Variants in TCERG1L observed in about 807,000 individuals in gnomAD.
TCERG1L encodes transcription elongation regulator 1-like protein.
Under a neutral mutation model 56.3 loss-of-function variants are expected in TCERG1L, and 37 were observed. The observed-to-expected ratio is 0.66, with a 90% CI of 0.51 to 0.87. The LOEUF (loss-of-function observed/expected upper bound fraction) is 0.87, where lower values mean the gene tolerates loss of function less well. Ranked by LOEUF, TCERG1L falls within the 40% of genes least tolerant of loss-of-function variation. The probability of loss-of-function intolerance (pLI) is 0.00; values close to 1 mark genes in which losing one functional copy is unlikely to be tolerated. For synonymous variants in TCERG1L, 324 were observed against 326.3 expected (o/e 0.99, Z 0.08); for missense variants, 799 against 774.2 (o/e 1.03, Z -0.38).
At chr10:131,116,254 T>C (rs544011167) in intron 9 of TCERG1L, among the ~76,000 whole-genome samples, 3 of 152,276 alleles carry the variant, frequency 2.0e-5, no homozygotes, top group South Asian at 4.1e-4. Context: ...TAATTTTATT[T>C]AAAAAACAGT....
At chr10:131,129,824 C>G (rs543485399) in intron 8 of TCERG1L, among the ~76,000 whole-genome samples, 1 of 152,218 alleles carries the variant, frequency 6.6e-6, no homozygotes, top group African/African-American at 2.4e-5. Flanking sequence ...GCGCATGGAT[C>G]GGGAGGCCTC....
chr10:131,203,324 A>AAAAAAAAAAAAAAAAAAAC (rs1845466632), intron 4 of TCERG1L, among the ~76,000 whole-genome samples: 1 of 151,850 alleles, frequency 6.6e-6, no homozygotes, highest in Non-Finnish European at 1.5e-5. Flanking sequence ...CAAAAAAAAA[A>AAAAAAAAAAAAAAAAAAAC]AGACTTCCAG....
intron 4 of TCERG1L, among the ~76,000 whole-genome samples, chr10:131,224,742 G>A (rs1354759234): frequency 5.4e-5 from 8 of 147,680 alleles, no homozygotes; most frequent in African/African-American, 1.5e-4. Context: ...GTGGCCCCTC[G>A]TCCCCCAAAC....
chr10:131,294,668 T>C (rs1466760304), intron 3 of TCERG1L, among the ~76,000 whole-genome samples: 1 of 152,176 alleles, frequency 6.6e-6, no homozygotes, highest in African/African-American at 2.4e-5. Flanking sequence ...TATGAGTTCT[T>C]TTGAAAAACA....
At chr10:131,132,989 A>C (rs10829913) in intron 8 of TCERG1L, among the ~76,000 whole-genome samples, 41,233 of 150,978 alleles carry the variant, frequency 0.27, 6,612 homozygotes, top group Non-Finnish European at 0.36. Flanking sequence ...CTCCTACCTG[A>C]TCACCTCGCT....
chr10:131,176,152 C>T (rs1464418717), intron 4 of TCERG1L, among the ~76,000 whole-genome samples: 2 of 152,180 alleles, frequency 1.3e-5, no homozygotes, highest in Non-Finnish European at 2.9e-5. Flanking sequence ...CAGCTGGGCT[C>T]AAGACTGCTG....
chr10:131,134,218 A>T (rs1845650474), intron 8 of TCERG1L, among the ~76,000 whole-genome samples, 161 bp downstream of exon 8: 1 of 152,144 alleles, frequency 6.6e-6, no homozygotes, highest in Non-Finnish European at 1.5e-5. Flanking sequence ...GCAGGTGCCC[A>T]GGACACTGCT....
At chr10:131,211,163 C>T (rs549243011) in intron 4 of TCERG1L, among the ~76,000 whole-genome samples, 3 of 152,180 alleles carry the variant, frequency 2.0e-5, no homozygotes. Context: ...ACGGTCAGGG[C>T]CGTATGGCTC....
chr10:131,276,631 AT>A (rs1846396427), intron 3 of TCERG1L, among the ~76,000 whole-genome samples: 1 of 152,210 alleles, frequency 6.6e-6, no homozygotes, highest in Non-Finnish European at 1.5e-5. Context: ...ATTTTCAGGG[AT>A]TCTCCTGCTT....
intron 4 of TCERG1L, among the ~76,000 whole-genome samples, chr10:131,218,514 A>G (rs1047180908): frequency 1.4e-5 from 2 of 143,998 alleles, no homozygotes; most frequent in Admixed American, 1.4e-4. Flanking sequence ...TTTATTTGAG[A>G]CAGAGTTTCG....
chr10:131,098,399 C>G lies in TCERG1L; in HGVS notation c.1511G>C (p.Arg504Thr), dbSNP rs1445001886. 1 of 1,548,944 alleles carries G rather than the reference C, an allele frequency of 6.5e-7. No homozygotes were observed. The highest frequency in any genetic ancestry group is 8.7e-7 in the Non-Finnish European group (1 of 1,146,634). Residue 504 changes from arginine (R) to threonine (T), a missense_variant, in exon 11 of 12, where the codon AGA becomes ACA. Arg to Thr is a moderately conservative substitution (Grantham distance 71, BLOSUM62 -1). Transcript: ENST00000368642. ...KQIFEQFVKT[R>T]IKEEYKEKKS... ...CTTTTCCTTGTATTCTTCTTTTATT[C>G]TTGTCTTGACAAACTGTTCAAATAT...
intron 4 of TCERG1L, among the ~76,000 whole-genome samples, chr10:131,216,901 A>T (rs2133494018): frequency 6.6e-6 from 1 of 152,202 alleles, no homozygotes; most frequent in Non-Finnish European, 1.5e-5. Context: ...GTGGTTCCCA[A>T]ATCCCACTGA....
At chr10:131,280,509 CA>C (rs904675586) in intron 3 of TCERG1L, among the ~76,000 whole-genome samples, 7 of 151,866 alleles carry the variant, frequency 4.6e-5, no homozygotes, top group Admixed American at 3.3e-4. Context: ...TGAGCCTCTC[CA>C]AAGGAGGCAT....
At chr10:131,236,621 C>A (rs955594202) in intron 4 of TCERG1L, among the ~76,000 whole-genome samples, 3 of 152,212 alleles carry the variant, frequency 2.0e-5, no homozygotes, top group African/African-American at 7.2e-5. Flanking sequence ...TGACAGCCAT[C>A]CCCACTGGGT....
At chr10:131,242,181 T>C (rs921619938) in intron 4 of TCERG1L, among the ~76,000 whole-genome samples, 4 of 152,040 alleles carry the variant, frequency 2.6e-5, no homozygotes, top group Admixed American at 6.6e-5. Context: ...TCGGGGAACG[T>C]GGCTCCCAGC....
intron 4 of TCERG1L, among the ~76,000 whole-genome samples, chr10:131,172,381 C>T (rs1430273096): frequency 9.2e-5 from 14 of 152,184 alleles, no homozygotes; most frequent in South Asian, 4.1e-4. Flanking sequence ...TTCTGAAAGC[C>T]GAGAGCAACC....
intron 3 of TCERG1L, among the ~76,000 whole-genome samples, chr10:131,292,121 G>C (rs1447743576): frequency 3.3e-5 from 5 of 152,182 alleles, no homozygotes; most frequent in African/African-American, 7.2e-5. Context: ...GCATTGGCTA[G>C]AACTTCCTGA....
intron 11 of TCERG1L, 48 bp downstream of exon 11, chr10:131,098,258 G>T (rs1318751595): frequency 1.3e-6 from 2 of 1,531,614 alleles, no homozygotes; most frequent in South Asian, 2.5e-5. Flanking sequence ...CTTGTCATTG[G>T]TAAGTTCCCA....
rs1047338841 is a variant in TCERG1L at position 131,092,979 on chromosome 10, G to A, written c.*183C>T. On this transcript the variant is annotated 3_prime_UTR_variant, in exon 12 of 12. Transcript: ENST00000368642. ...ATTAGAAATGCATCAAACTCTGAAT[G>A]TACAAAAGAGAGAGCTTCAATATGA... The A allele has an allele frequency of 5.2e-6, 3 of 573,098 alleles. No homozygotes were observed. The highest frequency in any genetic ancestry group is 2.5e-5 in the South Asian group (1 of 39,938). 35.5% of individuals were successfully genotyped at this position (573,098 alleles called of 1,614,324 possible). A position where few individuals can be genotyped will look rare whatever the true frequency, so the allele number is the denominator to read the frequency against.
Sources: gnomAD v4.1 joint callset for allele counts (sites outside exome capture counted in the v4.1 genomes callset) on GRCh38, gnomAD v4.1.1 for gene constraint, MANE v1.5 for transcripts, NCBI Gene and HGNC (gene_info 2026-07-23, HGNC 2026-07-21) for gene names.